Variants in AOPEP observed in about 807,000 individuals in gnomAD.
AOPEP encodes the protein aminopeptidase O (putative), also known as aminopeptidase O.
In AOPEP, 77 loss-of-function variants were observed where a neutral mutation model predicts 98.1. That is an observed-to-expected ratio of 0.78 (90% CI 0.65 to 0.95). AOPEP has a LOEUF of 0.95. Ranked by LOEUF, AOPEP falls within the 40% of genes least tolerant of loss-of-function variation. AOPEP has a pLI of 0.00. For missense variants in AOPEP, 1,024 were observed against 1,024.7 expected (o/e 1.00, Z 0.01); for synonymous variants, 346 against 365.3 (o/e 0.95, Z 0.60).
chr9:94,896,435 C>A (rs2049572031), intron 5 of AOPEP, among the ~76,000 whole-genome samples: 1 of 152,166 alleles, frequency 6.6e-6, no homozygotes, highest in African/African-American at 2.4e-5. Flanking sequence ...TGACTTCCTT[C>A]CAAAGGTCAC....
intron 13 of AOPEP, among the ~76,000 whole-genome samples, chr9:95,035,590 C>T (rs2064743357): frequency 7.2e-6 from 1 of 138,866 alleles, no homozygotes; most frequent in South Asian, 2.4e-4. Context: ...GCGATCTCGA[C>T]TCACCGCAAC....
intron 7 of AOPEP, among the ~76,000 whole-genome samples, chr9:94,942,733 T>A (rs1053222479): frequency 6.6e-6 from 1 of 152,098 alleles, no homozygotes; most frequent in Non-Finnish European, 1.5e-5. Context: ...TTTCGAGATA[T>A]AGGATCAACA....
chr9:95,105,017 T>C, the AOPEP span, among the ~76,000 whole-genome samples: 1 of 152,226 alleles, frequency 6.6e-6, no homozygotes, highest in African/African-American at 2.4e-5. Flanking sequence ...CAGGTGTGCA[T>C]TTTATAAGAG....
intron 5 of AOPEP, among the ~76,000 whole-genome samples, chr9:94,881,275 C>G (rs1032795883): frequency 2.0e-5 from 3 of 148,386 alleles, no homozygotes; most frequent in African/African-American, 7.5e-5. Context: ...GACACAGGAT[C>G]TGTCTTAGGC....
chr9:95,139,955 C>T, the AOPEP span, among the ~76,000 whole-genome samples: 5 of 150,968 alleles, frequency 3.3e-5, no homozygotes, highest in African/African-American at 1.2e-4. Context: ...CTGTTCAATA[C>T]GTTAGTGACA....
At chr9:95,124,814 A>C in the AOPEP span, among the ~76,000 whole-genome samples, 1 of 152,182 alleles carries the variant, frequency 6.6e-6, no homozygotes, top group Non-Finnish European at 1.5e-5. Context: ...GGCCAAGAAG[A>C]GCCGTCCTCC....
chr9:94,990,415 G>A (rs1372636136), intron 11 of AOPEP, among the ~76,000 whole-genome samples: 1 of 152,096 alleles, frequency 6.6e-6, no homozygotes, highest in Non-Finnish European at 1.5e-5. Flanking sequence ...GCCTTATTTT[G>A]TAGAGAAACC....
At chr9:95,002,402 G>C (rs1476471970) in intron 11 of AOPEP, among the ~76,000 whole-genome samples, 2 of 152,176 alleles carry the variant, frequency 1.3e-5, no homozygotes, top group South Asian at 2.1e-4. Context: ...GCTGGGGAGA[G>C]AGACGTTCAG....
intron 5 of AOPEP, among the ~76,000 whole-genome samples, chr9:94,852,152 A>C (rs915480172): frequency 1.3e-5 from 2 of 152,146 alleles, no homozygotes; most frequent in Non-Finnish European, 2.9e-5. Context: ...GTGTCATCTT[A>C]GGCAGTTATC....
chr9:95,106,915 C>T, the AOPEP span: 1 of 765,388 alleles, frequency 1.3e-6, no homozygotes, highest in Non-Finnish European at 2.2e-6. Flanking sequence ...CTCTGGGGTC[C>T]ATCCCAGCTG....
At chr9:94,820,306 T>C (rs1173431830) in intron 5 of AOPEP, among the ~76,000 whole-genome samples, 1 of 152,188 alleles carries the variant, frequency 6.6e-6, no homozygotes, top group Non-Finnish European at 1.5e-5. Context: ...TCCTTAGGTA[T>C]AGTACTTTAT....
chr9:95,035,579 C>T (rs1430118603), intron 13 of AOPEP, among the ~76,000 whole-genome samples: 12 of 123,548 alleles, frequency 9.7e-5, no homozygotes, highest in East Asian at 2.4e-4. Context: ...AGTGCAGTGG[C>T]GCGATCTCGA....
chr9:94,988,884 T>C (rs1378370617), intron 11 of AOPEP, among the ~76,000 whole-genome samples: 1 of 151,924 alleles, frequency 6.6e-6, no homozygotes, highest in Non-Finnish European at 1.5e-5. Context: ...CTGAAATATA[T>C]TCTATCAAAA....
In AOPEP at chr9:95,035,261, G is replaced by A. The variant is rs538211024; in HGVS notation, c.2116-25433G>A. On this transcript the variant is annotated intron_variant, in intron 13 of 16. Transcript: ENST00000375315. ...CCATCCCTACATTGATGACATACCA[G>A]TTTTCTCCTGAACCTGGACATTAAT... is the stretch of plus-strand genomic sequence containing the variant. Among the ~76,000 whole-genome samples, 6 of 151,870 alleles carry A rather than the reference G, an allele frequency of 4.0e-5. No individual in the cohort carries two copies. The South Asian group carries it at 1.2e-3, about 32-fold the overall frequency.
At chr9:95,104,989 G>A in the AOPEP span, among the ~76,000 whole-genome samples, 1 of 152,246 alleles carries the variant, frequency 6.6e-6, no homozygotes, top group Admixed American at 6.5e-5. Context: ...AAGCCCTCTA[G>A]GTTGGGCCGC....
chr9:94,809,668 C>T (rs1850037648), intron 5 of AOPEP, among the ~76,000 whole-genome samples: 2 of 152,144 alleles, frequency 1.3e-5, no homozygotes, highest in African/African-American at 4.8e-5. Context: ...TGTTTATAGA[C>T]CTCTTTTTGA....
chr9:94,813,166 T>C (rs1211898067), intron 5 of AOPEP, among the ~76,000 whole-genome samples: 1 of 152,194 alleles, frequency 6.6e-6, no homozygotes, highest in Admixed American at 6.5e-5. Flanking sequence ...ATTAGGTTGA[T>C]TTATAGCTAC....
At chr9:94,988,865 T>A (rs1278675388) in intron 11 of AOPEP, among the ~76,000 whole-genome samples, 1 of 151,970 alleles carries the variant, frequency 6.6e-6, no homozygotes, top group Non-Finnish European at 1.5e-5. Context: ...TCCGTAATTA[T>A]CTCATATTCT....
At chr9:95,074,941 C>G (rs1292661862) in intron 14 of AOPEP, among the ~76,000 whole-genome samples, 1 of 152,168 alleles carries the variant, frequency 6.6e-6, no homozygotes, top group African/African-American at 2.4e-5. Context: ...GAGGCTGGAT[C>G]CAGGGCAGAG....
Sources: gnomAD v4.1 joint callset for allele counts (sites outside exome capture counted in the v4.1 genomes callset) on GRCh38, gnomAD v4.1.1 for gene constraint, MANE v1.5 for transcripts, NCBI Gene and HGNC (gene_info 2026-07-23, HGNC 2026-07-21) for gene names.